ZDHHC14: variants seen among roughly 807,000 people sequenced by gnomAD.
The protein encoded by ZDHHC14 is palmitoyltransferase ZDHHC14.
ZDHHC14 carries 16 observed loss-of-function variants against 47.7 expected under a neutral mutation model. That is an observed-to-expected ratio of 0.34 (90% CI 0.23 to 0.51). The LOEUF is 0.51. Among genes scored for constraint, ZDHHC14 ranks in the 20% least tolerant of loss-of-function variants. The pLI, the probability that ZDHHC14 is intolerant of heterozygous loss-of-function variation, is 0.97. For missense variants in ZDHHC14, 515 were observed against 662.5 expected, an observed-to-expected ratio of 0.78 and a Z score of 2.44; for synonymous variants, 293 against 278.9, an observed-to-expected ratio of 1.05 and a Z score of -0.50.
chr6:157,622,799 G>A (rs1402741503), intron 3 of ZDHHC14, among the ~76,000 whole-genome samples: 2 of 152,146 alleles, frequency 1.3e-5, no homozygotes, highest in Non-Finnish European at 2.9e-5. Flanking sequence ...GTTTGCCAGT[G>A]TCTTCACCTG....
intron 1 of ZDHHC14, among the ~76,000 whole-genome samples, chr6:157,395,202 C>T (rs1777496119): frequency 6.6e-6 from 1 of 151,340 alleles, no homozygotes; most frequent in Non-Finnish European, 1.5e-5. Flanking sequence ...GCTCTGTCAC[C>T]CAGGCTAGAA....
intron 2 of ZDHHC14, among the ~76,000 whole-genome samples, chr6:157,568,877 C>T (rs979634668): frequency 1.3e-5 from 2 of 152,116 alleles, no homozygotes; most frequent in South Asian, 2.1e-4. Context: ...AATATATTTA[C>T]TGATAGCTGT....
intron 3 of ZDHHC14, among the ~76,000 whole-genome samples, chr6:157,621,936 G>A (rs536149790): frequency 1.3e-5 from 2 of 152,236 alleles, no homozygotes; most frequent in South Asian, 4.1e-4. Flanking sequence ...TCAGGATGGG[G>A]CCAGTGTCCT....
chr6:157,531,595 C>T (rs896853635), intron 1 of ZDHHC14, among the ~76,000 whole-genome samples: 3 of 152,068 alleles, frequency 2.0e-5, no homozygotes, highest in African/African-American at 7.2e-5. Context: ...TTGCCCCACC[C>T]CCCAACCCCC....
At position 157,463,957 on chromosome 6, in the gene ZDHHC14, G is replaced by A. The variant is rs1042767324; in HGVS notation, c.246-78628G>A. ...TGAGAATCACTTGAGTCCAGGAGGT[G>A]GAGGTTGCAGTGAGCTGAGATTGCA... On this transcript the variant is annotated intron_variant, in intron 1 of 8. Coordinates refer to ENST00000359775, the MANE Select transcript of ZDHHC14 (RefSeq NM_024630.3). This position sits in a 1 kb window ranked among gnomAD's most constrained non-coding sequence, Gnocchi z 4.4. Among the ~76,000 whole-genome samples the A allele has an allele frequency of 3.3e-5, 5 of 152,158 alleles. No homozygotes were observed. Among genetic ancestry groups the A allele is most frequent in the African/African-American group, 7.2e-5 (3 of 41,430 alleles).
chr6:157,437,898 T>C (rs1297294188), intron 1 of ZDHHC14, among the ~76,000 whole-genome samples: 3 of 151,442 alleles, frequency 2.0e-5, no homozygotes, highest in African/African-American at 2.5e-5. Flanking sequence ...TTACATGGGA[T>C]GGTAGAGTTA....
intron 7 of ZDHHC14, among the ~76,000 whole-genome samples, chr6:157,649,513 G>C (rs1022594606): frequency 6.6e-6 from 1 of 152,162 alleles, no homozygotes; most frequent in Non-Finnish European, 1.5e-5. Flanking sequence ...CCCAGCCCCT[G>C]TGCCCTTAAG....
At chr6:157,578,675 G>C (rs1266803847) in intron 2 of ZDHHC14, among the ~76,000 whole-genome samples, 1 of 152,174 alleles carries the variant, frequency 6.6e-6, no homozygotes, top group Non-Finnish European at 1.5e-5. Flanking sequence ...CCCCTATGCT[G>C]TTCTCGTGAT....
At chr6:157,607,097 A>C (rs1011644433) in intron 3 of ZDHHC14, among the ~76,000 whole-genome samples, 2 of 152,172 alleles carry the variant, frequency 1.3e-5, no homozygotes, top group African/African-American at 4.8e-5. Context: ...TGTTAGAAAC[A>C]TCGTCTTTAT....
chr6:157,533,317 C>T (rs756799080), intron 1 of ZDHHC14, among the ~76,000 whole-genome samples: 1 of 151,976 alleles, frequency 6.6e-6, no homozygotes, highest in Non-Finnish European at 1.5e-5. Context: ...AACAGTGTGC[C>T]AAGTGGGGAT....
intron 8 of ZDHHC14, among the ~76,000 whole-genome samples, chr6:157,665,877 A>G (rs1562537939): frequency 6.6e-6 from 1 of 152,190 alleles, no homozygotes; most frequent in Non-Finnish European, 1.5e-5. Flanking sequence ...CTAAAGCAAT[A>G]ATGTGATGGG....
intron 1 of ZDHHC14, among the ~76,000 whole-genome samples, chr6:157,486,710 C>T (rs1779787145): frequency 6.6e-6 from 1 of 152,148 alleles, no homozygotes; most frequent in African/African-American, 2.4e-5. Context: ...GAGCCCTTCC[C>T]AGAGGAGGTC....
chr6:157,401,464 A>G (rs1453692268), intron 1 of ZDHHC14, among the ~76,000 whole-genome samples: 1 of 151,842 alleles, frequency 6.6e-6, no homozygotes, highest in Admixed American at 6.6e-5. Context: ...AGGCTGGATG[A>G]CGTTGTGAGA....
At chr6:157,515,130 A>G (rs1470667513) in intron 1 of ZDHHC14, among the ~76,000 whole-genome samples, 1 of 152,104 alleles carries the variant, frequency 6.6e-6, no homozygotes, top group Non-Finnish European at 1.5e-5. Context: ...GGGCCTGAGC[A>G]CTCACGGGGA....
intron 2 of ZDHHC14, chr6:157,592,772 G>C: frequency 7.3e-7 from 1 of 1,366,216 alleles, no homozygotes; most frequent in East Asian, 2.9e-5. Context: ...ATTGGCCAGA[G>C]CTCAGTCACG....
intron 1 of ZDHHC14, among the ~76,000 whole-genome samples, chr6:157,520,899 G>C (rs1466066279): frequency 2.0e-5 from 3 of 152,160 alleles, no homozygotes; most frequent in African/African-American, 7.2e-5. Flanking sequence ...TTCACTTTCT[G>C]CCAACTTAGA....
chr6:157,612,153 A>G (rs571361432), intron 3 of ZDHHC14, among the ~76,000 whole-genome samples: 1 of 152,214 alleles, frequency 6.6e-6, no homozygotes, highest in South Asian at 2.1e-4. Context: ...GGCTCTGTAC[A>G]GTTTGCTTAC....
At chr6:157,668,462 TCA>T (rs1420555552) in intron 8 of ZDHHC14, among the ~76,000 whole-genome samples, 1 of 148,750 alleles carries the variant, frequency 6.7e-6, no homozygotes, top group Admixed American at 6.8e-5. Flanking sequence ...GGAAGGCAGA[TCA>T]CTTGAGGTCA....
intron 3 of ZDHHC14, among the ~76,000 whole-genome samples, chr6:157,615,597 G>A (rs141080491): frequency 1.3e-5 from 2 of 152,194 alleles, no homozygotes; most frequent in African/African-American, 4.8e-5. Context: ...CCCAGAAACT[G>A]TGCACATCAT....
Sources: allele counts gnomAD v4.1 joint callset (sites outside exome capture counted in the v4.1 genomes callset), GRCh38; gene constraint gnomAD v4.1.1; non-coding constraint Gnocchi (gnomAD v3.1); transcripts MANE v1.5; gene names NCBI Gene and HGNC (gene_info 2026-07-23, HGNC 2026-07-21).